Variants in PSPC1 observed in about 807,000 individuals in gnomAD.
The protein encoded by PSPC1 is paraspeckle component 1.
PSPC1 carries 14 observed loss-of-function variants against 51.6 expected under a neutral mutation model. That is an observed-to-expected ratio of 0.27 (90% CI 0.18 to 0.42). PSPC1 has a LOEUF of 0.42. Ranked by LOEUF, PSPC1 falls within the 10% of genes least tolerant of loss-of-function variation. The pLI, the probability that PSPC1 is intolerant of heterozygous loss-of-function variation, is 1.00. For missense variants in PSPC1, 406 were observed against 701.1 expected, an observed-to-expected ratio of 0.58 and a Z score of 4.75; for synonymous variants, 193 against 231.9, an observed-to-expected ratio of 0.83 and a Z score of 1.53.
chr13:19,711,977 C>G (rs1212561780), intron 6 of PSPC1, among the ~76,000 whole-genome samples: 1 of 152,144 alleles, frequency 6.6e-6, no homozygotes, highest in Non-Finnish European at 1.5e-5. Context: ...TTCCTTATCA[C>G]TACTTAGAAA....
intron 6 of PSPC1, among the ~76,000 whole-genome samples, chr13:19,683,258 C>T (rs186967210): frequency 1.3e-5 from 2 of 152,154 alleles, no homozygotes. Context: ...ATAAAAACTG[C>T]CCCAAGAGCA....
In PSPC1 at chr13:19,759,511, A is replaced by T. The variant is rs1056761649; in HGVS notation, c.675-93T>A. The stretch of plus-strand genomic sequence containing the variant: ...ATGTTTTATAATAATAAAGATATAT[A>T]CTTAGAAAATGTCTCACTTGAGAAA... On this transcript the variant is annotated intron_variant, in intron 2 of 8. Coordinates refer to ENST00000338910, the MANE Select transcript of PSPC1 (RefSeq NM_001354909.2). 16 of 871,372 alleles carry T rather than the reference A, an allele frequency of 1.8e-5. No individual in the cohort carries two copies. The African/African-American group carries it at 2.7e-4, about 15-fold the overall frequency. 54.0% of individuals were successfully genotyped at this position (871,372 alleles called of 1,614,324 possible).
chr13:19,762,379 A>G (rs1485176443), intron 2 of PSPC1, among the ~76,000 whole-genome samples: 1 of 151,906 alleles, frequency 6.6e-6, no homozygotes, highest in Non-Finnish European at 1.5e-5. Context: ...AATATAGTGA[A>G]ATGCCATCTC....
At chr13:19,780,379 G>A (rs942762423) in intron 1 of PSPC1, among the ~76,000 whole-genome samples, 6 of 92,636 alleles carry the variant, frequency 6.5e-5, no homozygotes, top group Admixed American at 1.2e-4. Flanking sequence ...AGGCGGGAAA[G>A]GTGGGGAAAA....
intron 6 of PSPC1, among the ~76,000 whole-genome samples, chr13:19,727,806 A>G (rs1050475055): frequency 1.3e-5 from 2 of 152,236 alleles, no homozygotes; most frequent in Non-Finnish European, 2.9e-5. Context: ...AAAAATTGTG[A>G]TAAGTAGAAA....
intron 4 of PSPC1, among the ~76,000 whole-genome samples, chr13:19,750,129 A>G (rs1886386801): frequency 6.6e-6 from 1 of 152,226 alleles, no homozygotes; most frequent in African/African-American, 2.4e-5. Flanking sequence ...TCACCTGCTA[A>G]GAAAAATACT....
chr13:19,746,524 A>T (rs1444135044), intron 4 of PSPC1, among the ~76,000 whole-genome samples: 3 of 151,934 alleles, frequency 2.0e-5, no homozygotes, highest in African/African-American at 7.3e-5. Context: ...CAGGAGTTTG[A>T]GGCCAGCCTG....
chr13:19,679,178 C>G (rs1876999659), intron 6 of PSPC1: 1 of 152,194 alleles, frequency 6.6e-6, no homozygotes, highest in Non-Finnish European at 1.5e-5. Context: ...GACTCTGTAT[C>G]CTTATATTCA....
intron 6 of PSPC1, among the ~76,000 whole-genome samples, chr13:19,727,213 G>A (rs1348523933): frequency 6.6e-6 from 1 of 152,110 alleles, no homozygotes; most frequent in Non-Finnish European, 1.5e-5. Flanking sequence ...GGCCAACATG[G>A]TGAAACCCCA....
intron 1 of PSPC1, among the ~76,000 whole-genome samples, chr13:19,778,574 T>C (rs1889477954): frequency 2.3e-5 from 3 of 128,432 alleles, no homozygotes; most frequent in Admixed American, 1.6e-4. Context: ...GGTTTCGCTG[T>C]GTTGGCCGGG....
At chr13:19,728,030 A>G (rs1228451945) in intron 6 of PSPC1, among the ~76,000 whole-genome samples, 1 of 152,200 alleles carries the variant, frequency 6.6e-6, no homozygotes, top group Non-Finnish European at 1.5e-5. Context: ...CAAGTATTAA[A>G]TAAAACTGAC....
At chr13:19,777,882 G>T (rs559164453) in intron 1 of PSPC1, among the ~76,000 whole-genome samples, 5 of 151,830 alleles carry the variant, frequency 3.3e-5, no homozygotes, top group African/African-American at 1.2e-4. Flanking sequence ...GGAGGCAGAG[G>T]TTGCAGTGAG....
intron 3 of PSPC1, among the ~76,000 whole-genome samples, chr13:19,757,129 C>CAA (rs56303316): frequency 4.5e-5 from 5 of 110,034 alleles, no homozygotes; most frequent in African/African-American, 1.0e-4. Flanking sequence ...GACTCCGTCT[C>CAA]AAAAAAAAAA....
At chr13:19,762,474 C>T (rs1387116610) in intron 2 of PSPC1, among the ~76,000 whole-genome samples, 1 of 152,132 alleles carries the variant, frequency 6.6e-6, no homozygotes, top group African/African-American at 2.4e-5. Context: ...GCAGTAGAAT[C>T]GCTGGAACCT....
At chr13:19,709,838 C>G (rs563054793) in intron 6 of PSPC1, among the ~76,000 whole-genome samples, 1 of 150,786 alleles carries the variant, frequency 6.6e-6, no homozygotes, top group African/African-American at 2.4e-5. Context: ...ACTAATGAAT[C>G]AGATTATATA....
At chr13:19,769,415 C>T (rs1188883192) in intron 2 of PSPC1, among the ~76,000 whole-genome samples, 8 of 152,128 alleles carry the variant, frequency 5.3e-5, no homozygotes, top group African/African-American at 1.7e-4. Context: ...ATTAGCCGGG[C>T]GTGGCGGCAT....
chr13:19,697,861 G>A (rs993662994), downstream of PSPC1, among the ~76,000 whole-genome samples: 9 of 152,148 alleles, frequency 5.9e-5, no homozygotes, highest in African/African-American at 2.2e-4. Flanking sequence ...CTGAGGAAAA[G>A]TTAACCACGA....
In PSPC1 at chr13:19,756,604, A is replaced by G. The variant is rs144915937; in HGVS notation, c.770+2719T>C. Reference sequence around the variant, plus strand: ...AACCTCCGCCTCCTGGGTTCAAGCAATTCTCCCGCCTCAGCCTCCTGAGTA... The same window carrying G: ...AACCTCCGCCTCCTGGGTTCAAGCAGTTCTCCCGCCTCAGCCTCCTGAGTA... On this transcript the variant is annotated intron_variant, in intron 3 of 8. Transcript: ENST00000338910. Among the ~76,000 whole-genome samples, 270 of 151,952 alleles carry G rather than the reference A, an allele frequency of 1.8e-3. 3 individuals are homozygous for G. The highest frequency in any genetic ancestry group is 6.2e-3 in the African/African-American group (258 of 41,508).
chr13:19,729,201 C>T (rs1408534210), intron 6 of PSPC1, among the ~76,000 whole-genome samples: 1 of 152,056 alleles, frequency 6.6e-6, no homozygotes, highest in Non-Finnish European at 1.5e-5. Flanking sequence ...TCACCTAATG[C>T]TTTTCTATAA....
Sources: gnomAD v4.1 joint callset for allele counts (sites outside exome capture counted in the v4.1 genomes callset) on GRCh38, gnomAD v4.1.1 for gene constraint, MANE v1.5 for transcripts, NCBI Gene and HGNC (gene_info 2026-07-23, HGNC 2026-07-21) for gene names.